The following CCDC102B variants were observed in gnomAD, a reference collection of about 807,000 sequenced individuals.
CCDC102B encodes coiled-coil domain-containing protein 102B.
A neutral mutation model predicts 57.4 loss-of-function variants in CCDC102B; 75 were observed. That is an observed-to-expected ratio of 1.31 (90% confidence interval 1.08 to 1.58). The LOEUF is 1.58. Among genes scored for constraint, CCDC102B ranks in the 40% most tolerant of loss-of-function variants. The pLI, the probability that CCDC102B is intolerant of heterozygous loss-of-function variation, is 0.00. For synonymous variants in CCDC102B, 206 were observed against 201.9 expected, an observed-to-expected ratio of 1.02 and a Z score of -0.17; for missense variants, 636 against 582.6, an observed-to-expected ratio of 1.09 and a Z score of -0.94.
chr18:68,853,474 G>A (rs895863664), intron 4 of CCDC102B, among the ~76,000 whole-genome samples: 4 of 151,760 alleles, frequency 2.6e-5, no homozygotes, highest in African/African-American at 9.7e-5. Flanking sequence ...AAGTTGATTA[G>A]AGTATATAAA....
At chr18:68,840,590 C>T (rs749530196) in intron 3 of CCDC102B, among the ~76,000 whole-genome samples, 6 of 152,152 alleles carry the variant, frequency 3.9e-5, no homozygotes, top group Admixed American at 6.6e-5. Flanking sequence ...TTTTTAGGCT[C>T]GTACACATAG....
chr18:68,981,798 T>C (rs1020903920), intron 6 of CCDC102B, among the ~76,000 whole-genome samples: 2 of 151,948 alleles, frequency 1.3e-5, no homozygotes, highest in African/African-American at 4.8e-5. Context: ...CAAATAGGTG[T>C]TCTCATTGTT....
At chr18:68,754,699 CTG>C (rs2033983147) in intron 2 of CCDC102B, 1 of 152,096 alleles carries the variant, frequency 6.6e-6, no homozygotes. Context: ...GCTGGGGAGA[CTG>C]TTACGGACTG....
intron 6 of CCDC102B, among the ~76,000 whole-genome samples, chr18:68,952,671 G>A (rs2049731336): frequency 6.6e-6 from 1 of 152,084 alleles, no homozygotes; most frequent in Admixed American, 6.6e-5. Flanking sequence ...TAAGTGAAGG[G>A]CGATATTAAT....
At chr18:68,824,664 G>T (rs2036834070) in intron 1 of CCDC102B, among the ~76,000 whole-genome samples, 1 of 152,052 alleles carries the variant, frequency 6.6e-6, no homozygotes, top group Non-Finnish European at 1.5e-5. Context: ...ATAAAATATA[G>T]ACAGAAAAAT....
intron 6 of CCDC102B, among the ~76,000 whole-genome samples, chr18:68,984,632 G>A (rs1019218251): frequency 6.6e-6 from 1 of 152,066 alleles, no homozygotes; most frequent in Non-Finnish European, 1.5e-5. Context: ...TAGGTACAGA[G>A]ATAAATTTAT....
At chr18:68,773,127 A>G (rs1239774149) in intron 2 of CCDC102B, among the ~76,000 whole-genome samples, 1 of 152,040 alleles carries the variant, frequency 6.6e-6, no homozygotes, top group Admixed American at 6.6e-5. Flanking sequence ...AATTTATTCC[A>G]AACAAAGGTA....
intron 5 of CCDC102B, among the ~76,000 whole-genome samples, chr18:68,880,220 C>T (rs1187488036): frequency 1.3e-5 from 2 of 152,248 alleles, no homozygotes; most frequent in African/African-American, 2.4e-5. Context: ...AGTACACCCT[C>T]CACAGCCACT....
intron 5 of CCDC102B, among the ~76,000 whole-genome samples, chr18:68,875,446 G>A (rs770543124): frequency 2.6e-5 from 4 of 152,106 alleles, no homozygotes; most frequent in Non-Finnish European, 4.4e-5. Flanking sequence ...ACTTGTCTTG[G>A]AACAGATAAT....
At chr18:68,830,474 T>C (rs2037098291) in intron 1 of CCDC102B, among the ~76,000 whole-genome samples, 1 of 151,974 alleles carries the variant, frequency 6.6e-6, no homozygotes, top group African/African-American at 2.4e-5. Flanking sequence ...TTAGATTGCA[T>C]AAGAAAATTG....
At chr18:68,793,280 T>A (rs2035522890), upstream of CCDC102B, among the ~76,000 whole-genome samples, 1 of 152,214 alleles carries the variant, frequency 6.6e-6, no homozygotes, top group Non-Finnish European at 1.5e-5. Context: ...ATTAAAATTG[T>A]AGCCATTAAG....
intron 7 of CCDC102B, among the ~76,000 whole-genome samples, chr18:69,046,565 T>C (rs916942443): frequency 6.6e-6 from 1 of 152,174 alleles, no homozygotes; most frequent in African/African-American, 2.4e-5. Context: ...CTTATGATAC[T>C]TTATTTTGCT....
chr18:68,933,350 A>T (rs1016610176), intron 6 of CCDC102B, among the ~76,000 whole-genome samples: 47 of 151,900 alleles, frequency 3.1e-4, no homozygotes, highest in African/African-American at 1.1e-3. Flanking sequence ...TTTTAAGGAG[A>T]TAAGTTCATT....
At chr18:68,910,079 C>T (rs12961720) in intron 6 of CCDC102B, among the ~76,000 whole-genome samples, 39,316 of 151,920 alleles carry the variant, frequency 0.26, 6,197 homozygotes, top group Non-Finnish European at 0.36. Flanking sequence ...ATTTGAGGCC[C>T]GGTCAAATCA....
intron 2 of CCDC102B, among the ~76,000 whole-genome samples, chr18:68,748,131 T>C (rs1333256031): frequency 6.6e-6 from 1 of 151,970 alleles, no homozygotes; most frequent in Non-Finnish European, 1.5e-5. Flanking sequence ...GAGCACCTTT[T>C]CATATACTTG....
intron 2 of CCDC102B, among the ~76,000 whole-genome samples, chr18:68,722,351 A>G (rs993960607): frequency 6.6e-6 from 1 of 152,232 alleles, no homozygotes; most frequent in Non-Finnish European, 1.5e-5. Context: ...TGATACAGAC[A>G]TTACTGGCCT....
chr18:69,010,922 T>G lies in CCDC102B; in HGVS notation c.1264-12T>G, dbSNP rs1338551555. ...GACTATAAATAATGTAATTTTTGTTTTCCTTTGAAAGGAATTACTGAACCT... is the reference window on the plus strand; with the variant it reads ...GACTATAAATAATGTAATTTTTGTTGTCCTTTGAAAGGAATTACTGAACCT... On this transcript the variant is annotated splice_polypyrimidine_tract_variant and intron_variant, in intron 6 of 7. Coordinates refer to ENST00000360242, the MANE Select transcript of CCDC102B (RefSeq NM_024781.3). The G allele has an allele frequency of 2.0e-5, 31 of 1,556,316 alleles. No homozygotes were observed. The highest frequency in any genetic ancestry group is 2.7e-5 in the Non-Finnish European group (31 of 1,150,694).
rs990965784 is a variant in CCDC102B, at chr18:69,055,056, A to G, written c.*919A>G. On this transcript the variant is annotated 3_prime_UTR_variant, in exon 8 of 8. Coordinates refer to ENST00000360242, the MANE Select transcript of CCDC102B (RefSeq NM_024781.3). ...TTATAATTTTCCATACCTATTTTCA[A>G]CTGAAGGCAACTTGTAAGATTTAAC... The G allele has an allele frequency of 2.6e-5, 26 of 983,182 alleles. No homozygotes were observed. The African/African-American group carries it at 3.5e-4, about 13-fold the overall frequency. 60.9% of individuals were successfully genotyped at this position (983,182 alleles called of 1,614,324 possible). A position where few individuals can be genotyped will look rare whatever the true frequency, so the allele number is the denominator to read the frequency against.
At chr18:69,046,399 T>C (rs772344262) in intron 7 of CCDC102B, among the ~76,000 whole-genome samples, 1 of 152,194 alleles carries the variant, frequency 6.6e-6, no homozygotes, top group South Asian at 2.1e-4. Context: ...TGTCTTCTTT[T>C]GAGAACTGTC....
Sources: allele counts gnomAD v4.1 joint callset (sites outside exome capture counted in the v4.1 genomes callset), GRCh38; gene constraint gnomAD v4.1.1; transcripts MANE v1.5; gene names NCBI Gene and HGNC (gene_info 2026-07-23, HGNC 2026-07-21).